Variants in MPZL1 observed in about 807,000 individuals in gnomAD.
MPZL1 encodes the protein myelin protein zero-like protein 1.
A neutral mutation model predicts 29.3 loss-of-function variants in MPZL1; 16 were observed. That is an observed-to-expected ratio of 0.55 (90% CI 0.37 to 0.83). The LOEUF (loss-of-function observed/expected upper bound fraction) is 0.83. MPZL1 is among the 40% of genes least tolerant of loss of function. MPZL1 has a pLI of 0.00. For synonymous variants in MPZL1, 143 were observed against 132.0 expected, an observed-to-expected ratio of 1.08 and a Z score of -0.57; for missense variants, 279 against 332.9, an observed-to-expected ratio of 0.84 and a Z score of 1.26.
At chr1:167,735,522 T>G (rs967149751) in intron 1 of MPZL1, among the ~76,000 whole-genome samples, 9 of 152,142 alleles carry the variant, frequency 5.9e-5, no homozygotes, top group Admixed American at 2.0e-4. Context: ...TCTCTTTTTC[T>G]TTATATAAAT....
At chr1:167,784,076 A>G (rs962938699) in intron 5 of MPZL1, among the ~76,000 whole-genome samples, 1 of 152,234 alleles carries the variant, frequency 6.6e-6, no homozygotes, top group African/African-American at 2.4e-5. Context: ...AGTTAGAAGC[A>G]GGTCTCTTTG....
intron 1 of MPZL1, among the ~76,000 whole-genome samples, chr1:167,758,775 T>C (rs1660922275): frequency 6.6e-6 from 1 of 152,204 alleles, no homozygotes; most frequent in Admixed American, 6.5e-5. Context: ...AGAAACCTTA[T>C]TCTCCAGAGT....
chr1:167,722,024 G>T lies in MPZL1; in HGVS notation c.-128G>T. ...CGGCTGGGACCGGAGTGGGGAGCGCGGCGTGGAGGTGCCACCCGGCGCGGG... is the reference window on the plus strand; with the variant it reads ...CGGCTGGGACCGGAGTGGGGAGCGCTGCGTGGAGGTGCCACCCGGCGCGGG... On this transcript the variant is annotated 5_prime_UTR_variant, in exon 1 of 6. Transcript: ENST00000359523. 8.3e-7 allele frequency: 1 copy of T among 1,199,478 alleles called. No homozygotes were observed. 74.3% of individuals were successfully genotyped at this position (1,199,478 alleles called of 1,614,324 possible).
At chr1:167,769,854 A>G (rs1661200417) in intron 2 of MPZL1, among the ~76,000 whole-genome samples, 1 of 152,262 alleles carries the variant, frequency 6.6e-6, no homozygotes, top group Non-Finnish European at 1.5e-5. Context: ...AGATATTGTC[A>G]GTGGGAACCG....
intron 2 of MPZL1, among the ~76,000 whole-genome samples, chr1:167,766,296 A>T (rs1661112999): frequency 6.6e-6 from 1 of 152,208 alleles, no homozygotes; most frequent in Admixed American, 6.5e-5. Context: ...AAGATAAAGG[A>T]TGTAACAGAA....
Position 167,729,082 on chromosome 1 carries a change from A to G in MPZL1, c.91+6840A>G, listed in dbSNP as rs1660214309. 2.0e-5 allele frequency among the ~76,000 whole-genome samples: 3 copies of G among 152,070 alleles called. No homozygotes were observed. In the South Asian group the frequency reaches 6.2e-4, roughly 32 times the overall value. On this transcript the variant is annotated intron_variant, in intron 1 of 5. Transcript: ENST00000359523. ...GGAGTACAAGACCAGCCTGGACAAC[A>G]TGATAAAACCCCCATCTTTACTGAA...
At chr1:167,725,100 C>G (rs4656553) in intron 1 of MPZL1, among the ~76,000 whole-genome samples, 1 of 152,188 alleles carries the variant, frequency 6.6e-6, no homozygotes, top group Non-Finnish European at 1.5e-5. Flanking sequence ...CTCCATACAT[C>G]TAATTGTGCA....
chr1:167,782,728 G>C (rs1225180350), intron 5 of MPZL1, among the ~76,000 whole-genome samples: 1 of 152,162 alleles, frequency 6.6e-6, no homozygotes, highest in African/African-American at 2.4e-5. Flanking sequence ...TGGGTTATCT[G>C]GGTGGCTCCA....
At chr1:167,739,066 C>T (rs561521822) in intron 1 of MPZL1, among the ~76,000 whole-genome samples, 14 of 151,594 alleles carry the variant, frequency 9.2e-5, no homozygotes, top group Non-Finnish European at 1.8e-4. Context: ...CTCAGTCTCG[C>T]GAGTAGCTGG....
At chr1:167,776,990 A>G (rs1661382066) in intron 5 of MPZL1, among the ~76,000 whole-genome samples, 1 of 152,218 alleles carries the variant, frequency 6.6e-6, no homozygotes, top group African/African-American at 2.4e-5. Context: ...AAACTAAGGC[A>G]TTGTGATGTT....
At chr1:167,777,709 G>C (rs1323050216) in intron 5 of MPZL1, among the ~76,000 whole-genome samples, 20 of 152,298 alleles carry the variant, frequency 1.3e-4, no homozygotes, top group African/African-American at 4.8e-4. Context: ...TACCTGAAAT[G>C]CAGTAGGTTG....
chr1:167,776,826 G>T (rs1661377984), intron 5 of MPZL1, among the ~76,000 whole-genome samples: 1 of 152,178 alleles, frequency 6.6e-6, no homozygotes, highest in South Asian at 2.1e-4. Flanking sequence ...TTTTTCTGGG[G>T]TAGAAAGCAT....
intron 1 of MPZL1, among the ~76,000 whole-genome samples, chr1:167,757,130 A>AT (rs1326956465): frequency 6.6e-6 from 1 of 152,184 alleles, no homozygotes; most frequent in Non-Finnish European, 1.5e-5. Context: ...AGCAGCCCTG[A>AT]TTCGCGGGAG....
intron 5 of MPZL1, among the ~76,000 whole-genome samples, chr1:167,783,732 A>G (rs1661538354): frequency 6.6e-6 from 1 of 152,156 alleles, no homozygotes; most frequent in Non-Finnish European, 1.5e-5. Context: ...GCACATGTAT[A>G]TTTTATCCTG....
At chr1:167,759,017 C>T (rs553288379) in intron 1 of MPZL1, among the ~76,000 whole-genome samples, 1 of 152,284 alleles carries the variant, frequency 6.6e-6, no homozygotes, top group South Asian at 2.1e-4. Flanking sequence ...TATTTCATTT[C>T]ATTTCTGTGT....
At chr1:167,782,640 C>A (rs111562720) in intron 5 of MPZL1, among the ~76,000 whole-genome samples, 1 of 152,086 alleles carries the variant, frequency 6.6e-6, no homozygotes, top group African/African-American at 2.4e-5. Context: ...TCTCTGGATT[C>A]TTTAGGATAT....
intron 1 of MPZL1, among the ~76,000 whole-genome samples, chr1:167,724,236 AC>A (rs1049244761): frequency 3.9e-5 from 6 of 152,162 alleles, no homozygotes; most frequent in Non-Finnish European, 7.3e-5. Flanking sequence ...TTATGAATGA[AC>A]CTGTTGGTAG....
At chr1:167,734,422 A>C (rs761695971) in intron 1 of MPZL1, among the ~76,000 whole-genome samples, 8 of 152,048 alleles carry the variant, frequency 5.3e-5, no homozygotes, top group Non-Finnish European at 8.8e-5. Context: ...AGCCCTTTCT[A>C]ACACCCTGAG....
In MPZL1 at chr1:167,755,249, G is replaced by A. The variant is rs143959799; in HGVS notation, c.92-10334G>A. On this transcript the variant is annotated intron_variant, in intron 1 of 5. Transcript: ENST00000359523. ...ATTCTTATTGCCATCGACCGTAGGCGTATTCTTTCCAATCTCTTGTTCTGT... is the reference window on the plus strand; with the variant it reads ...ATTCTTATTGCCATCGACCGTAGGCATATTCTTTCCAATCTCTTGTTCTGT... Among the ~76,000 whole-genome samples the A allele has an allele frequency of 4.7e-4, 72 of 152,254 alleles. 1 individual carries two copies. The East Asian group carries it at 0.013, about 26-fold the overall frequency.
Sources: gnomAD v4.1 joint callset for allele counts (sites outside exome capture counted in the v4.1 genomes callset) on GRCh38, gnomAD v4.1.1 for gene constraint, MANE v1.5 for transcripts, NCBI Gene and HGNC (gene_info 2026-07-23, HGNC 2026-07-21) for gene names.